Variants in RNF216 observed in about 807,000 individuals in gnomAD.
RNF216 encodes ring finger protein 216, also known as E3 ubiquitin-protein ligase RNF216.
In RNF216, 72 loss-of-function variants were observed where a neutral mutation model predicts 110.8. That is an observed-to-expected ratio of 0.65 (90% CI 0.54 to 0.79). The LOEUF (loss-of-function observed/expected upper bound fraction) is 0.79. Among genes scored for constraint, RNF216 ranks in the 30% least tolerant of loss-of-function variants. RNF216 has a pLI of 0.00. For synonymous variants in RNF216, 495 were observed against 407.5 expected (o/e 1.21, Z -2.59); for missense variants, 1,342 against 1,141.2 (o/e 1.18, Z -2.54).
intron 13 of RNF216, among the ~76,000 whole-genome samples, chr7:5,707,680 G>A (rs911107076): frequency 6.9e-6 from 1 of 144,582 alleles, no homozygotes; most frequent in African/African-American, 2.6e-5. Context: ...CCTTGTTCCT[G>A]ATCTTAGTAA....
chr7:5,656,266 C>CACAAACAA (rs763331679), intron 13 of RNF216, among the ~76,000 whole-genome samples: 6 of 152,162 alleles, frequency 3.9e-5, no homozygotes, highest in African/African-American at 1.4e-4. Flanking sequence ...AAGATTCAGT[C>CACAAACAA]ACAAACAAAC....
intron 14 of RNF216, among the ~76,000 whole-genome samples, chr7:5,648,827 A>G (rs184349252): frequency 2.8e-4 from 43 of 152,314 alleles, no homozygotes; most frequent in African/African-American, 9.1e-4. Context: ...GACATTCTAC[A>G]GGCCAATTAT....
At chr7:5,679,185 G>T (rs985884460) in intron 13 of RNF216, among the ~76,000 whole-genome samples, 4 of 152,122 alleles carry the variant, frequency 2.6e-5, no homozygotes, top group Non-Finnish European at 4.4e-5. Context: ...TGTCACCCTC[G>T]GGTAGGGGTG....
At chr7:5,648,966 T>C (rs1788217896) in intron 14 of RNF216, among the ~76,000 whole-genome samples, 1 of 152,170 alleles carries the variant, frequency 6.6e-6, no homozygotes, top group Non-Finnish European at 1.5e-5. Flanking sequence ...AAATTTCAAT[T>C]TTAGTTTTGT....
chr7:5,647,872 G>A (rs992423819), intron 14 of RNF216, among the ~76,000 whole-genome samples: 18 of 152,004 alleles, frequency 1.2e-4, no homozygotes, highest in Non-Finnish European at 2.6e-4. Flanking sequence ...CTACTGTAAT[G>A]GCCTTCTAAA....
At chr7:5,704,734 G>A (rs1222192763) in intron 13 of RNF216, among the ~76,000 whole-genome samples, 2 of 152,176 alleles carry the variant, frequency 1.3e-5, no homozygotes, top group African/African-American at 4.8e-5. Context: ...AAAGGACAAG[G>A]TGGGGACTTC....
intron 2 of RNF216, among the ~76,000 whole-genome samples, chr7:5,754,098 T>G (rs1795478383): frequency 6.6e-6 from 1 of 150,770 alleles, no homozygotes; most frequent in African/African-American, 2.4e-5. Flanking sequence ...CCATTAAAGC[T>G]GTAATGTTTT....
At chr7:5,639,908 T>A (rs1000600014) in intron 15 of RNF216, among the ~76,000 whole-genome samples, 3 of 151,878 alleles carry the variant, frequency 2.0e-5, no homozygotes, top group African/African-American at 7.3e-5. Context: ...TACAGGCGCC[T>A]GCCACCACGC....
At chr7:5,635,657 G>A (rs527983355) in intron 15 of RNF216, among the ~76,000 whole-genome samples, 4 of 152,296 alleles carry the variant, frequency 2.6e-5, no homozygotes, top group African/African-American at 9.6e-5. Flanking sequence ...CCTGAGGGGA[G>A]AAGGCAGGCC....
chr7:5,650,149 C>A (rs765520728), intron 14 of RNF216: 1 of 152,176 alleles, frequency 6.6e-6, no homozygotes, highest in Non-Finnish European at 1.5e-5. Flanking sequence ...CATGATATCC[C>A]TTCCAAAGCT....
chr7:5,770,480 A>G (rs1298471799), intron 1 of RNF216, among the ~76,000 whole-genome samples: 1 of 151,912 alleles, frequency 6.6e-6, no homozygotes, highest in East Asian at 1.9e-4. Flanking sequence ...AAAAAAGATT[A>G]CTGGGAGAAA....
At chr7:5,732,462 A>G (rs1456552391) in intron 5 of RNF216, among the ~76,000 whole-genome samples, 1 of 152,246 alleles carries the variant, frequency 6.6e-6, no homozygotes, top group Non-Finnish European at 1.5e-5. Context: ...AAAACAAAAC[A>G]TGTTTGAGAG....
At chr7:5,643,669 T>G (rs1054981943) in intron 14 of RNF216, among the ~76,000 whole-genome samples, 1 of 152,186 alleles carries the variant, frequency 6.6e-6, no homozygotes, top group African/African-American at 2.4e-5. Flanking sequence ...TGCATTCTTT[T>G]GCTGTGGTAA....
chr7:5,707,023 T>C lies in RNF216; in HGVS notation c.2061+4738A>G, dbSNP rs539961313. Among the ~76,000 whole-genome samples the C allele has an allele frequency of 2.0e-5, 3 of 152,386 alleles. No individual in the cohort carries two copies. The South Asian group carries it at 6.2e-4, about 32-fold the overall frequency. ...TATTCAGTTTACAGAGCACCATTAA[T>C]CAGAGACTACCTTTTCCCCCGGTGG... On this transcript the variant is annotated intron_variant, in intron 13 of 16. Coordinates refer to ENST00000389902, the MANE Select transcript of RNF216 (RefSeq NM_207111.4).
At chr7:5,761,558 C>G (rs1284483708) in intron 1 of RNF216, among the ~76,000 whole-genome samples, 1 of 152,192 alleles carries the variant, frequency 6.6e-6, no homozygotes, top group South Asian at 2.1e-4. Context: ...GAGGCCGAGG[C>G]GGGCAGGTCA....
chr7:5,780,382 C>A (rs1202535056), intron 1 of RNF216: 1 of 152,084 alleles, frequency 6.6e-6, no homozygotes, highest in Non-Finnish European at 1.5e-5. Context: ...TCAGCCAGGG[C>A]GCTTCTTACT....
chr7:5,729,320 T>C, intron 7 of RNF216, 112 bp downstream of exon 7: 1 of 983,750 alleles, frequency 1.0e-6, no homozygotes, highest in Non-Finnish European at 1.6e-6. Context: ...CCTAATAAAT[T>C]CCTTAGCAAT....
At position 5,703,160 on chromosome 7, in the gene RNF216, T is replaced by A. The variant is rs117202272; in HGVS notation, c.2061+8601A>T. On this transcript the variant is annotated intron_variant, in intron 13 of 16. Coordinates refer to ENST00000389902, the MANE Select transcript of RNF216 (RefSeq NM_207111.4). ...TGACTCACATCATGCAGCATGGACT[T>A]CCACTCCAGTAAATGAGTCCTCATT... Among the ~76,000 whole-genome samples, 293 of 152,358 alleles carry A rather than the reference T, an allele frequency of 1.9e-3. 2 individuals carry two copies. The highest frequency in any genetic ancestry group is 4.3e-3 in the South Asian group (21 of 4,832).
chr7:5,749,002 G>A lies in RNF216; in HGVS notation c.201+3844C>T, dbSNP rs180724374. The stretch of plus-strand genomic sequence containing the variant: ...AATATATGAGAGAACTCTGATAATC[G>A]GTTTAAGGAAAAAGGAAGCACTTCA... On this transcript the variant is annotated intron_variant, in intron 3 of 16. Transcript: ENST00000389902. Among the ~76,000 whole-genome samples the A allele has an allele frequency of 3.8e-3, 581 of 152,036 alleles. 2 individuals are homozygous for A. Among genetic ancestry groups the A allele is most frequent in the Middle Eastern group, 0.01 (3 of 294 alleles).
Sources: allele counts gnomAD v4.1 joint callset (sites outside exome capture counted in the v4.1 genomes callset), GRCh38; gene constraint gnomAD v4.1.1; transcripts MANE v1.5; gene names NCBI Gene and HGNC (gene_info 2026-07-23, HGNC 2026-07-21).